Variants in RALYL observed in about 807,000 individuals in gnomAD.
The protein encoded by RALYL is RNA-binding Raly-like protein.
RALYL carries 29 observed loss-of-function variants against 35.1 expected under a neutral mutation model. That is an observed-to-expected ratio of 0.83 (90% CI 0.61 to 1.13). The LOEUF (loss-of-function observed/expected upper bound fraction) is 1.13. Among genes scored for constraint, RALYL ranks in the 50% most tolerant of loss-of-function variants. RALYL has a pLI of 0.00. For synonymous variants in RALYL, 120 were observed against 127.6 expected, an observed-to-expected ratio of 0.94 and a Z score of 0.40; for missense variants, 359 against 360.4, an observed-to-expected ratio of 1.00 and a Z score of 0.03.
chr8:84,918,761 A>C (rs1848866085), intron 8 of RALYL, among the ~76,000 whole-genome samples: 1 of 152,154 alleles, frequency 6.6e-6, no homozygotes, highest in Admixed American at 6.6e-5. Flanking sequence ...AAATATATTC[A>C]TGACTTGTAA....
At position 84,287,040 on chromosome 8, in the gene RALYL, C is replaced by T. The variant is rs377556429; in HGVS notation, c.-24+102616C>T. 8.5e-5 allele frequency among the ~76,000 whole-genome samples: 13 copies of T among 152,300 alleles called. No individual in the cohort carries two copies. In the South Asian group the frequency reaches 2.7e-3, roughly 32 times the overall value. ...TGACTTTCTTGGCTACTGTTTTAAG[C>T]TACTGTTACTTTCTTGCTTATCAGT... is the stretch of plus-strand genomic sequence containing the variant. On this transcript the variant is annotated intron_variant, in intron 1 of 8. Transcript: ENST00000521268.
intron 1 of RALYL, among the ~76,000 whole-genome samples, chr8:84,345,389 C>T (rs1390319717): frequency 2.0e-5 from 3 of 152,020 alleles, no homozygotes; most frequent in Non-Finnish European, 4.4e-5. Flanking sequence ...TTTAGAAATA[C>T]TTCATCATGG....
Position 84,342,277 on chromosome 8 carries a change from A to AATATATATATAT in RALYL, c.-24+157861_-24+157872dup, listed in dbSNP as rs57901276. Among the ~76,000 whole-genome samples the AATATATATATAT allele has an allele frequency of 3.9e-3, 257 of 66,116 alleles. 56 individuals are homozygous for AATATATATATAT. Among genetic ancestry groups the AATATATATATAT allele is most frequent in the African/African-American group, 7.0e-3 (94 of 13,334 alleles). 43.4% of individuals were successfully genotyped at this position (66,116 alleles called of 152,430 possible). A position where few individuals can be genotyped will look rare whatever the true frequency, so the allele number is the denominator to read the frequency against. On this transcript the variant is annotated intron_variant, in intron 1 of 8. Transcript: ENST00000521268. ...TGAGTGAGGGTACAGAGCATCGTTC[A>AATATATATATAT]ATATATATATATATATATAAAACTC...
chr8:84,900,268 A>T (rs1402836784), intron 8 of RALYL, among the ~76,000 whole-genome samples: 2 of 152,210 alleles, frequency 1.3e-5, no homozygotes, highest in African/African-American at 4.8e-5. Context: ...TTACTTTTCT[A>T]AAAATGCTAT....
intron 1 of RALYL, among the ~76,000 whole-genome samples, chr8:84,226,379 T>C (rs868120145): frequency 1.3e-5 from 2 of 152,046 alleles, no homozygotes; most frequent in African/African-American, 4.8e-5. Flanking sequence ...ATCAAAACTA[T>C]GTATTTCTTT....
chr8:84,336,798 C>T (rs1432377817), intron 1 of RALYL, among the ~76,000 whole-genome samples: 1 of 151,904 alleles, frequency 6.6e-6, no homozygotes, highest in Non-Finnish European at 1.5e-5. Flanking sequence ...AAAGTGAGGG[C>T]CATCCATTAA....
intron 1 of RALYL, among the ~76,000 whole-genome samples, chr8:84,416,649 A>G (rs2044738507): frequency 6.6e-6 from 1 of 152,124 alleles, no homozygotes; most frequent in Non-Finnish European, 1.5e-5. Flanking sequence ...GTTTTCCTGA[A>G]GGTCATCAAA....
intron 3 of RALYL, among the ~76,000 whole-genome samples, chr8:84,794,879 G>A (rs1821561869): frequency 6.6e-6 from 1 of 152,210 alleles, no homozygotes; most frequent in Non-Finnish European, 1.5e-5. Flanking sequence ...GTCCATCCGA[G>A]GGAGATGAGC....
chr8:84,625,804 T>C (rs1486416082), intron 2 of RALYL, among the ~76,000 whole-genome samples: 3 of 152,168 alleles, frequency 2.0e-5, no homozygotes, highest in Middle Eastern at 3.2e-3. Context: ...ATAAGGAATG[T>C]CAGCAGGAGT....
chr8:84,301,315 A>T (rs76247732), intron 1 of RALYL, among the ~76,000 whole-genome samples: 2,714 of 151,246 alleles, frequency 0.018, 54 homozygotes, highest in African/African-American at 0.044. Flanking sequence ...CTTAAAAAAA[A>T]TTTTTTTTTA....
At chr8:84,403,524 G>GTTTTTTTTTTT (rs769845435) in intron 1 of RALYL, among the ~76,000 whole-genome samples, 4 of 39,482 alleles carry the variant, frequency 1.0e-4, no homozygotes, top group African/African-American at 1.4e-4. Flanking sequence ...CTATATCTCT[G>GTTTTTTTTTTT]TTTTTTTTTT....
At chr8:84,464,699 C>A (rs1169018425) in intron 1 of RALYL, among the ~76,000 whole-genome samples, 2 of 152,110 alleles carry the variant, frequency 1.3e-5, no homozygotes, top group Admixed American at 6.5e-5. Context: ...AGTTCTAGAT[C>A]CCTAAGGAAT....
intron 2 of RALYL, among the ~76,000 whole-genome samples, chr8:84,534,911 T>C (rs1055263791): frequency 3.3e-5 from 5 of 152,190 alleles, no homozygotes; most frequent in African/African-American, 1.2e-4. Context: ...ATAAATATAA[T>C]CCAATCTTTA....
intron 8 of RALYL, among the ~76,000 whole-genome samples, chr8:84,889,142 G>T (rs1458829271): frequency 6.6e-6 from 1 of 152,006 alleles, no homozygotes; most frequent in Non-Finnish European, 1.5e-5. Flanking sequence ...ACAAGCACCT[G>T]TTCTTAGACT....
intron 1 of RALYL, among the ~76,000 whole-genome samples, chr8:84,198,115 G>T (rs1321961621): frequency 2.0e-5 from 3 of 152,108 alleles, no homozygotes; most frequent in Non-Finnish European, 2.9e-5. Context: ...GAAAAGAAAA[G>T]ATTTTTGAGG....
At chr8:84,189,388 C>A (rs1316252970) in intron 1 of RALYL, among the ~76,000 whole-genome samples, 2 of 152,092 alleles carry the variant, frequency 1.3e-5, no homozygotes, top group Admixed American at 1.3e-4. Context: ...AATGTTTATA[C>A]ACATTTTGAT....
intron 1 of RALYL, among the ~76,000 whole-genome samples, chr8:84,460,541 T>C (rs2133374623): frequency 6.6e-6 from 1 of 151,664 alleles, no homozygotes; most frequent in African/African-American, 2.4e-5. Flanking sequence ...ACAAGGTTAA[T>C]TAAAAAAGAA....
intron 8 of RALYL, among the ~76,000 whole-genome samples, chr8:84,914,280 G>A (rs1481292479): frequency 6.6e-6 from 1 of 151,938 alleles, no homozygotes; most frequent in African/African-American, 2.4e-5. Flanking sequence ...GCAATTTAGA[G>A]TACTATCCTA....
intron 2 of RALYL, among the ~76,000 whole-genome samples, chr8:84,604,705 C>T (rs1816730420): frequency 6.6e-6 from 1 of 152,240 alleles, no homozygotes; most frequent in South Asian, 2.1e-4. Context: ...TATTCCCTCC[C>T]TTAACCTCAT....
Sources: allele counts gnomAD v4.1 joint callset (sites outside exome capture counted in the v4.1 genomes callset), GRCh38; gene constraint gnomAD v4.1.1; transcripts MANE v1.5; gene names NCBI Gene and HGNC (gene_info 2026-07-23, HGNC 2026-07-21).